Variants in CPED1 observed in about 807,000 individuals in gnomAD.
CPED1 encodes the protein cadherin-like and PC-esterase domain-containing protein 1.
A neutral mutation model predicts 128.2 loss-of-function variants in CPED1; 114 were observed. The observed-to-expected ratio is 0.89, with a 90% CI of 0.76 to 1.04. CPED1 has a LOEUF of 1.04. Among genes scored for constraint, CPED1 ranks in the 50% least tolerant of loss-of-function variants. The pLI, the probability that CPED1 is intolerant of heterozygous loss-of-function variation, is 0.00. For missense variants in CPED1, 1,211 were observed against 1,207.1 expected (o/e 1.00, Z -0.05); for synonymous variants, 462 against 426.7 (o/e 1.08, Z -1.02).
chr7:121,149,253 C>A (rs1027460378), intron 16 of CPED1, among the ~76,000 whole-genome samples: 1 of 149,734 alleles, frequency 6.7e-6, no homozygotes, highest in South Asian at 2.2e-4. Context: ...AATGCATAGA[C>A]CTCCCCAGTG....
intron 4 of CPED1, among the ~76,000 whole-genome samples, chr7:121,053,314 A>AT (rs201635050): frequency 5.9e-4 from 89 of 150,122 alleles, no homozygotes; most frequent in Middle Eastern, 3.5e-3. Flanking sequence ...ATCTGATGCA[A>AT]TTTTTTTTTT....
chr7:121,196,701 A>G (rs1797281720), intron 16 of CPED1, among the ~76,000 whole-genome samples: 1 of 152,264 alleles, frequency 6.6e-6, no homozygotes, highest in East Asian at 1.9e-4. Context: ...TTATAAATGC[A>G]CATTGATTTT....
intron 18 of CPED1, among the ~76,000 whole-genome samples, chr7:121,253,761 G>A (rs1351291588): frequency 6.6e-6 from 1 of 151,910 alleles, no homozygotes; most frequent in Non-Finnish European, 1.5e-5. Flanking sequence ...AAAAGAGCAG[G>A]AGTTGCTATT....
intron 22 of CPED1, among the ~76,000 whole-genome samples, chr7:121,294,976 A>T (rs1435215045): frequency 6.6e-6 from 1 of 152,142 alleles, no homozygotes; most frequent in East Asian, 1.9e-4. Flanking sequence ...CAATGGAAAA[A>T]AATTTTTTCT....
intron 7 of CPED1, among the ~76,000 whole-genome samples, chr7:121,114,275 ATCTC>A (rs1427296377): frequency 6.6e-6 from 1 of 152,130 alleles, no homozygotes; most frequent in Non-Finnish European, 1.5e-5. Context: ...AGTGACTAAA[ATCTC>A]TCTTAGTTAC....
intron 22 of CPED1, among the ~76,000 whole-genome samples, chr7:121,285,194 G>T (rs1473963568): frequency 6.6e-6 from 1 of 152,152 alleles, no homozygotes; most frequent in Non-Finnish European, 1.5e-5. Flanking sequence ...GCCTCTTTTG[G>T]CCACAGCTGG....
intron 16 of CPED1, among the ~76,000 whole-genome samples, chr7:121,193,677 G>A (rs1797198286): frequency 6.6e-6 from 1 of 152,086 alleles, no homozygotes; most frequent in South Asian, 2.1e-4. Flanking sequence ...GTTAGTAGGT[G>A]CAGAGCCTTT....
chr7:121,208,515 A>C (rs934361732), intron 16 of CPED1, among the ~76,000 whole-genome samples: 2 of 152,012 alleles, frequency 1.3e-5, no homozygotes, highest in Non-Finnish European at 2.9e-5. Flanking sequence ...ACAATTTTAT[A>C]AGGCAGCCCT....
intron 7 of CPED1, among the ~76,000 whole-genome samples, chr7:121,115,027 C>T (rs760072850): frequency 2.6e-5 from 4 of 152,068 alleles, no homozygotes; most frequent in Non-Finnish European, 5.9e-5. Flanking sequence ...GATTCATATC[C>T]TTTTGTAAAT....
intron 16 of CPED1, among the ~76,000 whole-genome samples, chr7:121,178,509 C>T (rs1047704904): frequency 1.1e-4 from 16 of 151,926 alleles, no homozygotes; most frequent in South Asian, 2.1e-4. Flanking sequence ...GTACAATTGA[C>T]GATGAATCAT....
chr7:121,266,625 C>A, intron 19 of CPED1, 82 bp from the exon 20 acceptor site: 1 of 1,214,062 alleles, frequency 8.2e-7, no homozygotes, highest in Non-Finnish European at 1.2e-6. Flanking sequence ...ATGCCAGATA[C>A]AGTGAAATGT....
intron 5 of CPED1, among the ~76,000 whole-genome samples, chr7:121,088,744 A>T (rs1285791733): frequency 1.5e-5 from 2 of 136,190 alleles, no homozygotes; most frequent in Non-Finnish European, 3.2e-5. Flanking sequence ...TCAAAAGTTA[A>T]AATCTAGGCA....
chr7:121,031,534 C>T (rs1391007341), intron 3 of CPED1, among the ~76,000 whole-genome samples: 2 of 152,112 alleles, frequency 1.3e-5, no homozygotes, highest in African/African-American at 2.4e-5. Context: ...GTAATCCACT[C>T]GCCTTGGCCT....
chr7:121,183,383 G>T lies in CPED1; in HGVS notation c.2055+41242G>T, dbSNP rs552117061. On this transcript the variant is annotated intron_variant, in intron 16 of 22. Transcript: ENST00000310396. ...AGAGATATTTGTTTAATATTAACTT[G>T]AACATAGGTTTGAGAATATAAAGGA... 2.6e-5 allele frequency among the ~76,000 whole-genome samples: 4 copies of T among 152,306 alleles called. No individual in the cohort carries two copies. The East Asian group carries it at 5.8e-4, about 22-fold the overall frequency.
At chr7:121,063,288 A>G (rs1793728557) in intron 4 of CPED1, among the ~76,000 whole-genome samples, 2 of 143,558 alleles carry the variant, frequency 1.4e-5, no homozygotes, top group African/African-American at 5.1e-5. Context: ...AGTTTTTAGA[A>G]CTGTATCTTA....
At chr7:121,131,871 C>T (rs1011461762) in intron 12 of CPED1, among the ~76,000 whole-genome samples, 18 of 151,552 alleles carry the variant, frequency 1.2e-4, no homozygotes, top group African/African-American at 3.6e-4. Flanking sequence ...GCATCTGATA[C>T]GCTGTAGCAC....
At chr7:121,292,295 CT>C (rs1792722097) in intron 22 of CPED1, among the ~76,000 whole-genome samples, 1 of 151,468 alleles carries the variant, frequency 6.6e-6, no homozygotes, top group Admixed American at 6.6e-5. Flanking sequence ...CTTTCTTCTG[CT>C]TGATTGATTC....
At chr7:121,173,982 A>G (rs182103408) in intron 16 of CPED1, among the ~76,000 whole-genome samples, 7 of 152,074 alleles carry the variant, frequency 4.6e-5, no homozygotes, top group Non-Finnish European at 7.4e-5. Context: ...TCTAATGATC[A>G]GTGATATTGA....
rs1563037592 is a variant in CPED1 at position 121,129,317 on chromosome 7, A to ATATATATATACG, written c.1408-798_1408-797insCGTATATATATA. Among the ~76,000 whole-genome samples the ATATATATATACG allele has an allele frequency of 5.2e-3, 662 of 126,818 alleles. 11 individuals are homozygous for ATATATATATACG. The highest frequency in any genetic ancestry group is 7.0e-3 in the Non-Finnish European group (417 of 59,686). The allele number at this position is 126,818 out of a possible 152,430, so 83.2% of individuals were successfully genotyped here. ...TATATATATATATATATATACGTAT[A>ATATATATATACG]TATATATATATATATATACGTATAT... On this transcript the variant is annotated intron_variant, in intron 11 of 22. Coordinates refer to ENST00000310396, the MANE Select transcript of CPED1 (RefSeq NM_024913.5).
Sources: allele counts gnomAD v4.1 joint callset (sites outside exome capture counted in the v4.1 genomes callset), GRCh38; gene constraint gnomAD v4.1.1; transcripts MANE v1.5; gene names NCBI Gene and HGNC (gene_info 2026-07-23, HGNC 2026-07-21).